The following ATRN variants were observed in gnomAD, a reference collection of about 807,000 sequenced individuals.
The protein encoded by ATRN is attractin-2.
Under a neutral mutation model 178.7 loss-of-function variants are expected in ATRN, and 54 were observed. The observed-to-expected ratio is 0.30, with a 90% CI of 0.24 to 0.38. The LOEUF is 0.38. Ranked by LOEUF, ATRN falls within the 10% of genes least tolerant of loss-of-function variation. The pLI is 1.00. For missense variants in ATRN, 1,443 were observed against 1,815.1 expected, an observed-to-expected ratio of 0.79 and a Z score of 3.73; for synonymous variants, 636 against 663.0, an observed-to-expected ratio of 0.96 and a Z score of 0.63.
rs548251898 is a variant in ATRN, at chr20:3,509,167, A to G, written c.411-26086A>G. Among the ~76,000 whole-genome samples, 12 of 152,336 alleles carry G rather than the reference A, an allele frequency of 7.9e-5. No individual in the cohort carries two copies. In the South Asian group the frequency reaches 2.5e-3, roughly 32 times the overall value. ...TATGTCAGCACTGGAATGAAAACTGACTCAAGATACCAGTTCAATGACAGA... is the reference window on the plus strand; with the variant it reads ...TATGTCAGCACTGGAATGAAAACTGGCTCAAGATACCAGTTCAATGACAGA... On this transcript the variant is annotated intron_variant, in intron 1 of 28. Coordinates refer to ENST00000262919, the MANE Select transcript of ATRN (RefSeq NM_139321.3).
chr20:3,589,044 G>A (rs189679534), intron 18 of ATRN, among the ~76,000 whole-genome samples: 279 of 128,920 alleles, frequency 2.2e-3, no homozygotes, highest in African/African-American at 7.4e-3. Context: ...GTGCAGTGAC[G>A]TGATCTCTGC....
chr20:3,562,200 C>T (rs904330962), intron 8 of ATRN, 76 bp from the exon 9 acceptor site: 2 of 1,296,842 alleles, frequency 1.5e-6, no homozygotes, highest in Non-Finnish European at 2.2e-6. Context: ...TTCTCATGCC[C>T]TAAGCTCTTT....
At chr20:3,524,655 A>G (rs994828593) in intron 1 of ATRN, among the ~76,000 whole-genome samples, 1 of 152,220 alleles carries the variant, frequency 6.6e-6, no homozygotes, top group Non-Finnish European at 1.5e-5. Flanking sequence ...AATTGACCAC[A>G]TAATTGGAAG....
At chr20:3,586,303 A>C (rs2086356256) in intron 18 of ATRN, among the ~76,000 whole-genome samples, 1 of 152,268 alleles carries the variant, frequency 6.6e-6, no homozygotes, top group African/African-American at 2.4e-5. Context: ...ACCCTAAAAA[A>C]ACATGCTATG....
chr20:3,627,532 A>C (rs2086951866), intron 25 of ATRN, among the ~76,000 whole-genome samples: 1 of 152,242 alleles, frequency 6.6e-6, no homozygotes. Context: ...TGGATCTTTG[A>C]AAAGAGTAAG....
chr20:3,600,255 ATAAAT>A (rs1268290465), intron 22 of ATRN, among the ~76,000 whole-genome samples: 2 of 152,206 alleles, frequency 1.3e-5, no homozygotes, highest in Admixed American at 6.5e-5. Flanking sequence ...AAGGATCAAA[ATAAAT>A]TAAGTTAGAT....
At chr20:3,493,487 G>T (rs2084836303) in intron 1 of ATRN, among the ~76,000 whole-genome samples, 1 of 151,908 alleles carries the variant, frequency 6.6e-6, no homozygotes, top group African/African-American at 2.4e-5. Flanking sequence ...TAGAGATAGG[G>T]TCTCACAGTG....
Position 3,580,620 on chromosome 20 carries a change from C to T in ATRN, c.2545-1515C>T, listed in dbSNP as rs2086269667. 2.0e-5 allele frequency among the ~76,000 whole-genome samples: 3 copies of T among 152,132 alleles called. 1 individual carries two copies. Among genetic ancestry groups the T allele is most frequent in the South Asian group, 4.2e-4 (2 of 4,818 alleles). On this transcript the variant is annotated intron_variant, in intron 15 of 28. Transcript: ENST00000262919. ...AAGGAGTGAATTAGGATGTCGAAGA[C>T]GGAAGGGCTTTCTGTGATTTAATTA... is the stretch of plus-strand genomic sequence containing the variant.
intron 5 of ATRN, among the ~76,000 whole-genome samples, chr20:3,548,221 C>G (rs991211559): frequency 6.6e-6 from 1 of 152,128 alleles, no homozygotes; most frequent in Non-Finnish European, 1.5e-5. Flanking sequence ...GTCTAGTTAT[C>G]AAACTTATTC....
At chr20:3,502,454 T>G (rs2084977384) in intron 1 of ATRN, among the ~76,000 whole-genome samples, 1 of 152,132 alleles carries the variant, frequency 6.6e-6, no homozygotes, top group Non-Finnish European at 1.5e-5. Context: ...CATCCTCCCA[T>G]CCACCTAGAC....
intron 1 of ATRN, among the ~76,000 whole-genome samples, chr20:3,521,596 A>G (rs763117348): frequency 1.4e-4 from 22 of 152,328 alleles, no homozygotes; most frequent in Non-Finnish European, 2.8e-4. Flanking sequence ...AAGTATACAG[A>G]AAAATAAGAA....
intron 1 of ATRN, among the ~76,000 whole-genome samples, chr20:3,485,261 A>C (rs576565966): frequency 6.6e-5 from 10 of 152,254 alleles, no homozygotes; most frequent in Admixed American, 6.5e-4. Context: ...GTTGATAGTC[A>C]TGCTGCCAAT....
chr20:3,510,705 G>A (rs1389999690), intron 1 of ATRN, among the ~76,000 whole-genome samples: 1 of 151,998 alleles, frequency 6.6e-6, no homozygotes, highest in African/African-American at 2.4e-5. Flanking sequence ...TTGCCCATCT[G>A]TCTGATTTTT....
At chr20:3,578,871 G>C in intron 15 of ATRN, 99 bp downstream of exon 15, 1 of 1,174,850 alleles carries the variant, frequency 8.5e-7, no homozygotes, top group Non-Finnish European at 1.2e-6. Context: ...TATGTGTGAC[G>C]TGCTTGGCAA....
At chr20:3,577,368 T>G (rs1321161388) in intron 14 of ATRN, among the ~76,000 whole-genome samples, 1 of 152,090 alleles carries the variant, frequency 6.6e-6, no homozygotes, top group Admixed American at 6.5e-5. Context: ...TATTAACCAC[T>G]GGGATTTAAT....
At chr20:3,485,430 A>G (rs923650401) in intron 1 of ATRN, among the ~76,000 whole-genome samples, 2 of 152,122 alleles carry the variant, frequency 1.3e-5, no homozygotes, top group African/African-American at 2.4e-5. Flanking sequence ...TTCCCTGCAC[A>G]TAGAAGGTGG....
At chr20:3,578,016 G>T (rs1373078208) in intron 14 of ATRN, among the ~76,000 whole-genome samples, 1 of 152,182 alleles carries the variant, frequency 6.6e-6, no homozygotes, top group Non-Finnish European at 1.5e-5. Context: ...GATGATCACA[G>T]GTAGCAGATT....
At chr20:3,500,547 GA>G in intron 1 of ATRN, among the ~76,000 whole-genome samples, 1 of 151,744 alleles carries the variant, frequency 6.6e-6, no homozygotes, top group East Asian at 1.9e-4. Context: ...GGACATGGAT[GA>G]AATTGGAAAT....
intron 1 of ATRN, among the ~76,000 whole-genome samples, chr20:3,497,857 G>C: frequency 6.6e-6 from 1 of 151,950 alleles, no homozygotes; most frequent in South Asian, 2.1e-4. Flanking sequence ...GGCTTTGCTC[G>C]TTTCTTTTTA....
Sources: allele counts gnomAD v4.1 joint callset (sites outside exome capture counted in the v4.1 genomes callset), GRCh38; gene constraint gnomAD v4.1.1; transcripts MANE v1.5; gene names NCBI Gene and HGNC (gene_info 2026-07-23, HGNC 2026-07-21).